USP7: variants seen among roughly 807,000 people sequenced by gnomAD.
The protein encoded by USP7 is ubiquitin C-terminal hydrolase 7.
In USP7, 9 loss-of-function variants were observed where a neutral mutation model predicts 162.9. That is an observed-to-expected ratio of 0.06 (90% confidence interval 0.03 to 0.10). The LOEUF is 0.10. USP7 is among the 10% of genes least tolerant of loss of function. The probability of loss-of-function intolerance (pLI) is 1.00; values close to 1 mark genes in which losing one functional copy is unlikely to be tolerated. For missense variants in USP7, 715 were observed against 1,373.7 expected (o/e 0.52, Z 7.58); for synonymous variants, 562 against 475.9 (o/e 1.18, Z -2.35).
intron 1 of USP7, among the ~76,000 whole-genome samples, chr16:8,939,088 A>T (rs1049009884): frequency 6.6e-6 from 1 of 152,068 alleles, no homozygotes; most frequent in Admixed American, 6.5e-5. Flanking sequence ...TCCTGATGTA[A>T]CCCACCAACC....
rs975271745 is a variant in USP7 at position 8,915,617 on chromosome 16, A to G, written c.907-92T>C. ...AATTGACTAGAAATATCAATGTTCA[A>G]AGAAGTTGTAGACTATAAAAATATG... On this transcript the variant is annotated intron_variant, in intron 8 of 30. Transcript: ENST00000344836. 3.3e-5 allele frequency: 38 copies of G among 1,148,262 alleles called. 1 individual carries two copies. The highest frequency in any genetic ancestry group is 4.8e-5 in the Non-Finnish European group (38 of 796,810). The allele number at this position is 1,148,262 out of a possible 1,614,324, so 71.1% of individuals were successfully genotyped here.
intron 2 of USP7, among the ~76,000 whole-genome samples, chr16:8,924,235 T>C (rs1897867796): frequency 6.6e-6 from 1 of 152,254 alleles, no homozygotes; most frequent in African/African-American, 2.4e-5. Flanking sequence ...TGCAGCATCT[T>C]ACTGCTTCCC....
At chr16:8,961,186 C>T (rs1342265120) in intron 1 of USP7, among the ~76,000 whole-genome samples, 3 of 152,016 alleles carry the variant, frequency 2.0e-5, no homozygotes, top group Non-Finnish European at 4.4e-5. Flanking sequence ...ATTCAACACC[C>T]TCTAGTCTTT....
intron 1 of USP7, among the ~76,000 whole-genome samples, chr16:8,948,554 T>G (rs1865807): frequency 0.05 from 7,681 of 152,250 alleles, 244 homozygotes; most frequent in Middle Eastern, 0.14. Context: ...CCTTTAAAAA[T>G]ACTGACTAAA....
chr16:8,901,315 AAAACG>A, intron 18 of USP7, 81 bp from the exon 19 acceptor site: 1 of 833,008 alleles, frequency 1.2e-6, no homozygotes, highest in Non-Finnish European at 1.8e-6. Flanking sequence ...AACAAACAAA[AAAACG>A]AAAAAAAAAA....
intron 1 of USP7, among the ~76,000 whole-genome samples, chr16:8,947,354 C>T (rs183146192): frequency 6.5e-4 from 98 of 151,164 alleles, no homozygotes; most frequent in African/African-American, 2.2e-3. Context: ...ACTCCCCCCC[C>T]CAACACACAC....
At chr16:8,954,415 C>T (rs1017273306) in intron 1 of USP7, among the ~76,000 whole-genome samples, 4 of 152,188 alleles carry the variant, frequency 2.6e-5, no homozygotes, top group Non-Finnish European at 5.9e-5. Flanking sequence ...AGGTAGCTCG[C>T]GTGTTCTCAA....
At chr16:8,902,345 C>T (rs371049977) in intron 17 of USP7, 36 bp downstream of exon 17, 65 of 1,607,326 alleles carry the variant, frequency 4.0e-5, no homozygotes, top group Middle Eastern at 1.6e-4. Flanking sequence ...GCCTTCTGCA[C>T]GGTTCCAAAC....
chr16:8,897,399 CT>C (rs2061700262), intron 25 of USP7: 1 of 348,034 alleles, frequency 2.9e-6, no homozygotes, highest in Non-Finnish European at 5.3e-6. Flanking sequence ...CACCCAGGGC[CT>C]TCCCAACTCT....
intron 10 of USP7, 141 bp from the exon 11 acceptor site, chr16:8,910,968 C>T: frequency 1.4e-6 from 1 of 699,206 alleles, no homozygotes; most frequent in Non-Finnish European, 2.5e-6. Flanking sequence ...CCCCTGTAGC[C>T]AAGACTGTAG....
Position 8,902,130 on chromosome 16 carries a change from G to C in USP7, c.1999C>G (p.Pro667Ala). The C allele has an allele frequency of 1.2e-6, 2 of 1,614,190 alleles. No homozygotes were observed. The highest frequency in any genetic ancestry group is 1.3e-5 in the African/African-American group (1 of 75,040). ...PWTIFLETVD[P>A]ELAASGATLP... is the part of the protein sequence containing the mutation. ...GTCGCTCCACTAGCAGCCAGCTCGG[G>C]ATCAACTGTTTCCAGGAATATTGTC... Residue 667 changes from proline (P) to alanine (A), a missense_variant, in exon 18 of 31, where the codon CCC (proline) becomes GCC (alanine). Physicochemically the swap from Pro to Ala is conservative, Grantham distance 27. Transcript: ENST00000344836.
chr16:8,901,271 A>G (rs1567209599), intron 18 of USP7, 37 bp from the exon 19 acceptor site: 1 of 1,447,330 alleles, frequency 6.9e-7, no homozygotes, highest in Admixed American at 1.8e-5. Flanking sequence ...TAAGATCCAA[A>G]CACTCAGCAC....
Position 8,894,842 on chromosome 16 carries a change from C to T in USP7, c.3053G>A (p.Arg1018Gln). The change falls in exon 29 of 31, where the codon CGA becomes CAA. Residue 1018 changes from arginine (R) to glutamine (Q), a missense_variant. By Grantham distance (43) the Arg-to-Gln change is conservative. Coordinates refer to ENST00000344836, the MANE Select transcript of USP7 (RefSeq NM_003470.3). The part of the protein sequence containing the change: ...LLRIHQGEHF[R>Q]EVMKRIQSLL... The stretch of plus-strand genomic sequence containing the variant: ...GCTCTGGATTCGCTTCATCACTTCT[C>T]GAAAATGCTCGCCCTAGAATGGCAA... 5.0e-6 allele frequency: 8 copies of T among 1,614,192 alleles called. No homozygotes were observed. Among genetic ancestry groups the T allele is most frequent in the Non-Finnish European group, 6.8e-6 (8 of 1,180,036 alleles).
chr16:8,897,726 A>AAAAAATATATAT lies in USP7; in HGVS notation c.2719-628_2719-627insATATATATTTTT, dbSNP rs1555461671. 2.4e-3 allele frequency among the ~76,000 whole-genome samples: 17 copies of AAAAAATATATAT among 7,130 alleles called. 1 individual carries two copies. Among genetic ancestry groups the AAAAAATATATAT allele is most frequent in the South Asian group, 7.6e-3 (1 of 132 alleles). The allele number at this position is 7,130 out of a possible 152,430, so 4.7% of individuals were successfully genotyped here. Reference sequence around the variant, plus strand: ...AAAAAAAAAAAAAAAAAAAAAAAAAAATATATATATATATATATATAAATG... The same window carrying AAAAAATATATAT: ...AAAAAAAAAAAAAAAAAAAAAAAAAAAAAAATATATATATATATATATATATATATATAAATG... On this transcript the variant is annotated intron_variant, in intron 25 of 30. Coordinates refer to ENST00000344836, the MANE Select transcript of USP7 (RefSeq NM_003470.3).
intron 1 of USP7, among the ~76,000 whole-genome samples, chr16:8,939,094 C>A (rs1802110625): frequency 6.6e-6 from 1 of 152,146 alleles, no homozygotes; most frequent in Admixed American, 6.5e-5. Flanking sequence ...TGTAACCCAC[C>A]AACCCAATGA....
At chr16:8,955,787 G>T (rs1899773990) in intron 1 of USP7, among the ~76,000 whole-genome samples, 1 of 150,656 alleles carries the variant, frequency 6.6e-6, no homozygotes. Flanking sequence ...TCTTATTGAT[G>T]AAATGTGCTT....
chr16:8,915,572 A>T (rs1442321500), intron 8 of USP7, 47 bp from the exon 9 acceptor site: 1 of 1,486,554 alleles, frequency 6.7e-7, no homozygotes, highest in South Asian at 1.2e-5. Flanking sequence ...TGTACTTAGT[A>T]ATATATACAG....
Position 8,899,204 on chromosome 16 carries a change from G to C in USP7, c.2464-16C>G, listed in dbSNP as rs1417121186. The stretch of plus-strand genomic sequence containing the variant: ...TCTTTGCAACCTAAGACACAGAAAG[G>C]AAGGTTCACATTTTGGGGAAAAATT... On this transcript the variant is annotated splice_polypyrimidine_tract_variant and intron_variant, in intron 22 of 30. Transcript: ENST00000344836. 6.2e-7 allele frequency: 1 copy of C among 1,613,108 alleles called. No homozygotes were observed. The highest frequency in any genetic ancestry group is 8.5e-7 in the Non-Finnish European group (1 of 1,179,790).
At chr16:8,962,259 G>C (rs1276521326) in intron 1 of USP7, among the ~76,000 whole-genome samples, 1 of 152,174 alleles carries the variant, frequency 6.6e-6, no homozygotes, top group Non-Finnish European at 1.5e-5. Context: ...GCCTGAACTC[G>C]TCACGTAGGT....
Sources: allele counts gnomAD v4.1 joint callset (sites outside exome capture counted in the v4.1 genomes callset), GRCh38; gene constraint gnomAD v4.1.1; transcripts MANE v1.5; gene names NCBI Gene and HGNC (gene_info 2026-07-23, HGNC 2026-07-21).